Variants in CD1B observed in about 807,000 individuals in gnomAD.
The protein encoded by CD1B is CD1b molecule.
CD1B carries 43 observed loss-of-function variants against 39.8 expected under a neutral mutation model. The observed-to-expected ratio is 1.08, with a 90% CI of 0.85 to 1.39. The LOEUF (loss-of-function observed/expected upper bound fraction) is 1.39. Among genes scored for constraint, CD1B ranks in the 40% most tolerant of loss-of-function variants. The pLI, the probability that CD1B is intolerant of heterozygous loss-of-function variation, is 0.00. For missense variants in CD1B, 495 were observed against 403.8 expected (o/e 1.23, Z -1.94); for synonymous variants, 192 against 152.5 (o/e 1.26, Z -1.91).
the CD1B span, among the ~76,000 whole-genome samples, chr1:158,309,488 C>T: frequency 6.6e-6 from 1 of 152,060 alleles, no homozygotes; most frequent in Non-Finnish European, 1.5e-5. Flanking sequence ...TGGTTATATA[C>T]CCAAAGGATT....
chr1:158,308,912 T>G, the CD1B span, among the ~76,000 whole-genome samples: 1 of 152,174 alleles, frequency 6.6e-6, no homozygotes, highest in Non-Finnish European at 1.5e-5. Flanking sequence ...ATTCAGGACA[T>G]AGGCATGGGC....
chr1:158,331,121 G>A (rs1652586367), intron 1 of CD1B, 59 bp from the exon 2 acceptor site: 6 of 1,469,056 alleles, frequency 4.1e-6, no homozygotes, highest in Admixed American at 2.2e-5. Context: ...AGACAATTAG[G>A]AAGAATGGGA....
In CD1B at chr1:158,329,123, C is replaced by T. The variant is rs1386442554; in HGVS notation, c.887-109G>A. The T allele has an allele frequency of 8.8e-6, 9 of 1,021,556 alleles. No homozygotes were observed. The East Asian group carries it at 1.3e-4, about 14-fold the overall frequency. 63.3% of individuals were successfully genotyped at this position (1,021,556 alleles called of 1,614,324 possible). Reference sequence around the variant, plus strand: ...AATGTATGGTCATTTCCAACTTCCTCTCTCATATTCCTGGCCACCATATAT... The same window carrying T: ...AATGTATGGTCATTTCCAACTTCCTTTCTCATATTCCTGGCCACCATATAT... On this transcript the variant is annotated intron_variant, in intron 4 of 5. Coordinates refer to ENST00000368168, the MANE Select transcript of CD1B (RefSeq NM_001764.3).
the CD1B span, among the ~76,000 whole-genome samples, chr1:158,311,658 T>A: frequency 6.6e-6 from 1 of 152,210 alleles, no homozygotes; most frequent in Non-Finnish European, 1.5e-5. Context: ...TTAACCCATC[T>A]TCATTTGATT....
chr1:158,323,942 G>A (rs1652268703), downstream of CD1B, among the ~76,000 whole-genome samples: 1 of 152,148 alleles, frequency 6.6e-6, no homozygotes, highest in South Asian at 2.1e-4. Context: ...TCCCACCAAG[G>A]AGTTTCAGAA....
chr1:158,291,199 C>A, the CD1B span: 1 of 1,613,786 alleles, frequency 6.2e-7, no homozygotes, highest in South Asian at 1.1e-5. Flanking sequence ...ATCCTGGGCA[C>A]GAGGTCAGGG....
chr1:158,315,114 C>T, the CD1B span, among the ~76,000 whole-genome samples: 1 of 151,810 alleles, frequency 6.6e-6, no homozygotes, highest in African/African-American at 2.4e-5. Flanking sequence ...CCGCAATAAA[C>T]ACACGTGTGC....
chr1:158,289,297 C>G, the CD1B span, among the ~76,000 whole-genome samples: 1 of 152,142 alleles, frequency 6.6e-6, no homozygotes, highest in Non-Finnish European at 1.5e-5. Flanking sequence ...CTGGTATCAA[C>G]CATGTACTAT....
At chr1:158,285,765 T>C in the CD1B span, among the ~76,000 whole-genome samples, 20 of 152,206 alleles carry the variant, frequency 1.3e-4, no homozygotes, top group Admixed American at 2.6e-4. Flanking sequence ...TGGGACCTTT[T>C]TGGCTGTTGC....
At position 158,329,994 on chromosome 1, in the gene CD1B, A is replaced by G. The variant is rs1415657971; in HGVS notation, c.465T>C (p.Gly155=). The change falls in exon 3 of 6, where the codon GGT becomes GGC. Residue 155 remains glycine, a synonymous_variant. Coordinates refer to ENST00000368168, the MANE Select transcript of CD1B (RefSeq NM_001764.3). ...CACAGAATTTCTGTGCCCTGCTGCC[A>G]CCTTCTGGGGAAGGCACACATGAAG... The part of the protein sequence containing the change: ...KNASCVPSPE[G]GSRAQKFCAL... 1 of 1,613,966 alleles carries G rather than the reference A, an allele frequency of 6.2e-7. No individual in the cohort carries two copies. The highest frequency in any genetic ancestry group is 1.3e-5 in the African/African-American group (1 of 74,880).
chr1:158,328,393 G>A, intron 5 of CD1B, 136 bp from the exon 6 acceptor site: 1 of 613,924 alleles, frequency 1.6e-6, no homozygotes, highest in Non-Finnish European at 2.9e-6. Flanking sequence ...TGAACAAAAT[G>A]TGTTATACGC....
the CD1B span, among the ~76,000 whole-genome samples, chr1:158,321,694 G>T: frequency 1.3e-5 from 2 of 152,064 alleles, no homozygotes; most frequent in Non-Finnish European, 2.9e-5. Flanking sequence ...TTTTTACTTT[G>T]TGGTTATCAT....
the CD1B span, among the ~76,000 whole-genome samples, chr1:158,309,082 T>A: frequency 6.6e-6 from 1 of 152,156 alleles, no homozygotes; most frequent in Non-Finnish European, 1.5e-5. Flanking sequence ...AACCTACTCA[T>A]CTGACAAAGG....
the CD1B span, among the ~76,000 whole-genome samples, chr1:158,294,243 G>A: frequency 3.3e-5 from 5 of 152,224 alleles, no homozygotes; most frequent in Non-Finnish European, 7.3e-5. Context: ...CAAGGCAACC[G>A]TTGTGCTGTA....
chr1:158,293,598 A>G, the CD1B span: 1 of 1,609,546 alleles, frequency 6.2e-7, no homozygotes. Context: ...CATAATAAAC[A>G]TTTGTTAATA....
At chr1:158,288,768 A>G in the CD1B span, among the ~76,000 whole-genome samples, 1 of 152,246 alleles carries the variant, frequency 6.6e-6, no homozygotes, top group Non-Finnish European at 1.5e-5. Context: ...GAAACACTAT[A>G]ATAATAAATG....
downstream of CD1B, among the ~76,000 whole-genome samples, chr1:158,324,520 G>A (rs959419162): frequency 1.1e-4 from 16 of 152,182 alleles, no homozygotes; most frequent in East Asian, 1.9e-4. Context: ...TTGATTCATC[G>A]GAAACCAAGA....
chr1:158,312,828 A>G, the CD1B span, among the ~76,000 whole-genome samples: 1 of 152,154 alleles, frequency 6.6e-6, no homozygotes, highest in African/African-American at 2.4e-5. Context: ...TTTTAATTGT[A>G]TGCCCCGTAT....
chr1:158,313,980 C>T, the CD1B span, among the ~76,000 whole-genome samples: 2 of 151,784 alleles, frequency 1.3e-5, no homozygotes, highest in Non-Finnish European at 2.9e-5. Context: ...TCTTATGGTC[C>T]TTTGTATTTA....
Sources: allele counts gnomAD v4.1 joint callset (sites outside exome capture counted in the v4.1 genomes callset), GRCh38; gene constraint gnomAD v4.1.1; transcripts MANE v1.5; gene names NCBI Gene and HGNC (gene_info 2026-07-23, HGNC 2026-07-21).